HTT-AS: variants seen among roughly 807,000 people sequenced by gnomAD.
HTT-AS encodes HTT antisense RNA (head to head).
At chr4:3,048,498 C>A (rs909546957), downstream of HTT-AS, among the ~76,000 whole-genome samples, 7 of 152,084 alleles carry the variant, frequency 4.6e-5, no homozygotes, top group African/African-American at 1.7e-4. Context: ...ATGCTCCTTA[C>A]CCAGGGTCCC....
chr4:3,059,244 G>A (rs1711878475), intron 2 of HTT-AS, among the ~76,000 whole-genome samples: 1 of 152,200 alleles, frequency 6.6e-6, no homozygotes, highest in Non-Finnish European at 1.5e-5. Flanking sequence ...GTTCGGAGAA[G>A]GCGAATTCAT....
chr4:3,052,685 C>G (rs891365588), intron 2 of HTT-AS, among the ~76,000 whole-genome samples: 1 of 152,030 alleles, frequency 6.6e-6, no homozygotes, highest in East Asian at 1.9e-4. Context: ...GATCCAGGAT[C>G]TGGTATAAAA....
exon 2 of HTT-AS, among the ~76,000 whole-genome samples, chr4:3,062,488 A>G (rs1233837448): frequency 6.6e-6 from 1 of 152,064 alleles, no homozygotes; most frequent in South Asian, 2.1e-4. Context: ...ACAGCATGTG[A>G]TGAGCGCCCC....
intron 1 of HTT-AS, among the ~76,000 whole-genome samples, chr4:3,070,389 C>G (rs1400015831): frequency 6.6e-6 from 1 of 151,726 alleles, no homozygotes; most frequent in African/African-American, 2.4e-5. Context: ...CTCCTGGGTT[C>G]AAGCGATTCT....
At chr4:3,065,856 G>A in intron 1 of HTT-AS, among the ~76,000 whole-genome samples, 1 of 152,208 alleles carries the variant, frequency 6.6e-6, no homozygotes, top group Non-Finnish European at 1.5e-5. Flanking sequence ...TTGAAGTGTG[G>A]TTTCCATTGA....
intron 2 of HTT-AS, among the ~76,000 whole-genome samples, chr4:3,057,457 T>A (rs1711829349): frequency 6.6e-6 from 1 of 151,994 alleles, no homozygotes. Flanking sequence ...TGGAAAGGGG[T>A]CCCAATGCTG....
chr4:3,074,612 T>C (rs396875), upstream of HTT-AS: 173 of 424,500 alleles, frequency 4.1e-4, no homozygotes, highest in East Asian at 2.9e-3. Context: ...CTGGCCGGCG[T>C]GGCCCCGCCT....
intron 2 of HTT-AS, among the ~76,000 whole-genome samples, chr4:3,054,328 G>A (rs1421150331): frequency 6.6e-6 from 1 of 151,972 alleles, no homozygotes; most frequent in Admixed American, 6.6e-5. Context: ...GTCCAACCAT[G>A]CCATAGATGG....
chr4:3,046,671 A>G (rs1463688809), downstream of HTT-AS, among the ~76,000 whole-genome samples: 1 of 152,094 alleles, frequency 6.6e-6, no homozygotes, highest in Non-Finnish European at 1.5e-5. Flanking sequence ...ACAGTAGAAC[A>G]GTGAGTTTTG....
chr4:3,069,097 G>A (rs187357172), intron 1 of HTT-AS, among the ~76,000 whole-genome samples: 1 of 151,982 alleles, frequency 6.6e-6, no homozygotes, highest in Admixed American at 6.6e-5. Context: ...ATACCTGGAG[G>A]ATGAATGTTG....
chr4:3,049,869 C>A (rs1711666711), intron 2 of HTT-AS, among the ~76,000 whole-genome samples: 1 of 150,124 alleles, frequency 6.7e-6, no homozygotes, highest in Non-Finnish European at 1.5e-5. Flanking sequence ...ATGTAAATAG[C>A]CCAGGGTTAT....
At chr4:3,063,088 T>C (rs569640992) in exon 2 of HTT-AS, among the ~76,000 whole-genome samples, 1 of 152,236 alleles carries the variant, frequency 6.6e-6, no homozygotes, top group East Asian at 1.9e-4. Flanking sequence ...ACATTCATAG[T>C]CTAGTTACAC....
At chr4:3,070,634 G>T in intron 1 of HTT-AS, among the ~76,000 whole-genome samples, 1 of 152,084 alleles carries the variant, frequency 6.6e-6, no homozygotes, top group East Asian at 1.9e-4. Context: ...TAGAATGGGG[G>T]ACGTTATCAG....
chr4:3,069,509 CA>C (rs890903546), intron 1 of HTT-AS, among the ~76,000 whole-genome samples: 18 of 152,098 alleles, frequency 1.2e-4, no homozygotes, highest in Admixed American at 1.0e-3. Flanking sequence ...CAGACTTAAC[CA>C]AAAACCAGGT....
chr4:3,055,624 A>G (rs965088684), intron 2 of HTT-AS, among the ~76,000 whole-genome samples: 5 of 152,206 alleles, frequency 3.3e-5, no homozygotes, highest in African/African-American at 1.2e-4. Flanking sequence ...GTAAGACTTC[A>G]CCACTTTCCA....
chr4:3,074,539 A>G (rs13132932), upstream of HTT-AS: 18,187 of 307,318 alleles, frequency 0.059, 760 homozygotes, highest in East Asian at 0.12. Context: ...CTGCGGGGGC[A>G]GGGGCGGGCT....
intron 2 of HTT-AS, among the ~76,000 whole-genome samples, chr4:3,058,626 G>T (rs536350456): frequency 6.6e-6 from 1 of 152,202 alleles, no homozygotes; most frequent in Non-Finnish European, 1.5e-5. Flanking sequence ...ACGCGGCCCA[G>T]CAGGTGTCAG....
chr4:3,052,777 T>C (rs556866338), intron 2 of HTT-AS, among the ~76,000 whole-genome samples: 1 of 152,024 alleles, frequency 6.6e-6, no homozygotes, highest in Middle Eastern at 3.4e-3. Context: ...TTGCCTGAGC[T>C]CAGGAGTTCG....
At chr4:3,055,004 C>T (rs903303452) in intron 2 of HTT-AS, among the ~76,000 whole-genome samples, 6 of 152,122 alleles carry the variant, frequency 3.9e-5, no homozygotes, top group South Asian at 2.1e-4. Context: ...TGAGTCACCA[C>T]GCCTGGCCAA....
Sources: allele counts gnomAD v4.1 joint callset (sites outside exome capture counted in the v4.1 genomes callset), GRCh38; gene constraint gnomAD v4.1.1; transcripts MANE v1.5; gene names NCBI Gene and HGNC (gene_info 2026-07-23, HGNC 2026-07-21).